Variants in NUP88 observed in about 807,000 individuals in gnomAD.
NUP88 encodes the protein nucleoporin 88.
In NUP88, 57 loss-of-function variants were observed where a neutral mutation model predicts 93.9. The ratio of observed to expected loss-of-function variants is 0.61; its 90% CI spans 0.49 to 0.76. The LOEUF is 0.76. NUP88 is among the 30% of genes least tolerant of loss of function. The probability of loss-of-function intolerance (pLI) is 0.00; values close to 1 mark genes in which losing one functional copy is unlikely to be tolerated. For synonymous variants in NUP88, 346 were observed against 336.8 expected (o/e 1.03, Z -0.30); for missense variants, 911 against 901.0 (o/e 1.01, Z -0.14).
rs1264543329 is a variant in NUP88, at chr17:5,405,182, AG to A, written c.918del (p.Tyr307MetfsTer18). ...PLPMHPAAEDNYGYDACAVLC... is the reference protein window; with the variant it reads ...PLPMHPAAEDXYGYDACAVLC... ...AGTACAGCACACGCATCATAACCAT[AG>A]TTATCTTCAGCCGCAGGATGCATGG... On this transcript the variant is annotated frameshift_variant, in exon 6 of 17. Transcript: ENST00000573584. LOFTEE classifies it high-confidence loss of function. 5 of 1,614,064 alleles carry A rather than the reference AG, an allele frequency of 3.1e-6. No homozygotes were observed. The African/African-American group carries it at 4.0e-5, about 13-fold the overall frequency.
intron 9 of NUP88, 61 bp downstream of exon 9, chr17:5,394,830 G>GT (rs1302683716): frequency 8.0e-6 from 9 of 1,128,928 alleles, no homozygotes; most frequent in African/African-American, 1.5e-5. Context: ...GGATACAAAC[G>GT]TATCTGAACT....
At chr17:5,417,202 G>T (rs1277010980) in intron 1 of NUP88, among the ~76,000 whole-genome samples, 1 of 152,134 alleles carries the variant, frequency 6.6e-6, no homozygotes, top group Non-Finnish European at 1.5e-5. Flanking sequence ...CCATCTCTAA[G>T]GTTTTGAGAT....
intron 8 of NUP88, among the ~76,000 whole-genome samples, chr17:5,397,158 G>A (rs1286689768): frequency 3.3e-5 from 5 of 152,048 alleles, no homozygotes; most frequent in African/African-American, 7.2e-5. Context: ...TGGGCAACAC[G>A]GTAAAACCCC....
chr17:5,398,948 G>C (rs1183805791), intron 8 of NUP88, among the ~76,000 whole-genome samples: 6 of 149,824 alleles, frequency 4.0e-5, no homozygotes, highest in South Asian at 2.1e-4. Context: ...GAGTGCAGTG[G>C]CGTGATCTTG....
intron 1 of NUP88, 33 bp from the exon 2 acceptor site, chr17:5,416,715 AAT>A (rs1567579151): frequency 2.6e-6 from 4 of 1,556,764 alleles, no homozygotes; most frequent in Non-Finnish European, 3.5e-6. Context: ...CAACATAGTT[AAT>A]TTTAATTTAA....
rs769164780 is a variant in NUP88, at chr17:5,387,878, G to A, written c.1670C>T (p.Pro557Leu). ...GAGGAGCTGAAGGCATTCTTCAGGA[G>A]GAGGGGCTATGTCCTTTTCAGAAGC... ...LKASEKDIAP[P>L]PEECLQLLSR... Residue 557 changes from proline (P) to leucine (L), a missense_variant, in exon 12 of 17, where the codon CCT (proline) becomes CTT (leucine). Transcript: ENST00000573584. 3 of 1,613,896 alleles carry A rather than the reference G, an allele frequency of 1.9e-6. No individual in the cohort carries two copies. Among genetic ancestry groups the A allele is most frequent in the Non-Finnish European group, 2.5e-6 (3 of 1,179,800 alleles).
At chr17:5,392,940 C>G (rs943643238) in intron 9 of NUP88, among the ~76,000 whole-genome samples, 33 of 151,836 alleles carry the variant, frequency 2.2e-4, no homozygotes, top group Non-Finnish European at 4.0e-4. Flanking sequence ...CAGGTACATG[C>G]TACCACAGTG....
chr17:5,416,382 G>A (rs1385561123), intron 2 of NUP88, 131 bp downstream of exon 2: 1 of 575,890 alleles, frequency 1.7e-6, no homozygotes, highest in Non-Finnish European at 2.9e-6. Flanking sequence ...TAACACAGAA[G>A]CCAGTCTGCA....
intron 8 of NUP88, among the ~76,000 whole-genome samples, chr17:5,395,695 TTAG>T (rs1383639237): frequency 6.6e-6 from 1 of 151,796 alleles, no homozygotes; most frequent in Non-Finnish European, 1.5e-5. Context: ...CGCCCAGGTT[TTAG>T]TAGTAGACAG....
Position 5,409,369 on chromosome 17 carries a change from C to T in NUP88, c.681-460G>A, listed in dbSNP as rs1302687207. 7.9e-4 allele frequency among the ~76,000 whole-genome samples: 85 copies of T among 107,188 alleles called. 1 individual carries two copies. In the East Asian group the frequency reaches 9.1e-3, roughly 11 times the overall value. 70.3% of individuals were successfully genotyped at this position (107,188 alleles called of 152,430 possible). On this transcript the variant is annotated intron_variant, in intron 4 of 16. Transcript: ENST00000573584. ...AGCCTGGGCGACAAGAGCGAAACTC[C>T]GTCTCAAAAAAAAAAAAAAAAAAAA...
At chr17:5,391,917 C>T (rs933325946) in intron 9 of NUP88, among the ~76,000 whole-genome samples, 1 of 129,980 alleles carries the variant, frequency 7.7e-6, no homozygotes, top group African/African-American at 2.8e-5. Flanking sequence ...AAAAGTTACA[C>T]GTTACACTGA....
In NUP88 at chr17:5,416,636, AAG is replaced by A; in HGVS notation, c.342_343del (p.Leu115ValfsTer23). ...TACATGATGTTGTGTTGGGCTTAAC[AAG>A]ACTTGATAGATTTCAAACAGGGGTG... On this transcript the variant is annotated frameshift_variant, in exon 2 of 17. Coordinates refer to ENST00000573584, the MANE Select transcript of NUP88 (RefSeq NM_002532.6). LOFTEE classifies it high-confidence loss of function. 1 of 1,611,788 alleles carries A rather than the reference AAG, an allele frequency of 6.2e-7. No homozygotes were observed. Among genetic ancestry groups the A allele is most frequent in the Non-Finnish European group, 8.5e-7 (1 of 1,179,374 alleles).
chr17:5,416,588 A>T lies in NUP88; in HGVS notation c.392T>A (p.Leu131His). The change falls in exon 2 of 17, where the codon CTT becomes CAT. Residue 131 changes from leucine to histidine, a missense_variant. Leu to His is a moderately conservative substitution (Grantham distance 99, BLOSUM62 -3). Coordinates refer to ENST00000573584, the MANE Select transcript of NUP88 (RefSeq NM_002532.6). The stretch of plus-strand genomic sequence containing the variant: ...TCTTTTAGGTAATTCTAATACCATA[A>T]GTCCTTTTATTCCTATAAGTGCTAC... Reference protein sequence around the residue: ...HHVALIGIKGLMVLELPKRWG... With the variant: ...HHVALIGIKGHMVLELPKRWG... 1 of 1,612,232 alleles carries T rather than the reference A, an allele frequency of 6.2e-7. No homozygotes were observed. The highest frequency in any genetic ancestry group is 2.2e-5 in the East Asian group (1 of 44,770).
intron 2 of NUP88, 112 bp downstream of exon 2, chr17:5,416,401 G>T: frequency 1.5e-6 from 1 of 665,632 alleles, no homozygotes. Flanking sequence ...CAGACCACGA[G>T]GAGTGTTTTA....
At chr17:5,407,872 A>C (rs779788646) in intron 5 of NUP88, among the ~76,000 whole-genome samples, 1 of 152,118 alleles carries the variant, frequency 6.6e-6, no homozygotes, top group Non-Finnish European at 1.5e-5. Flanking sequence ...TCAAACTCTC[A>C]TAAATGACAA....
intron 2 of NUP88, among the ~76,000 whole-genome samples, chr17:5,415,474 A>T (rs1914082233): frequency 6.6e-6 from 1 of 152,234 alleles, no homozygotes. Context: ...AGATATTATC[A>T]ATCCTATTTT....
intron 10 of NUP88, among the ~76,000 whole-genome samples, chr17:5,391,207 G>A (rs1295075291): frequency 6.6e-6 from 1 of 152,136 alleles, no homozygotes; most frequent in Non-Finnish European, 1.5e-5. Context: ...ATGATTCCAG[G>A]AGGCAGTGCG....
chr17:5,418,822 A>G (rs1469042192), intron 1 of NUP88, among the ~76,000 whole-genome samples: 2 of 152,160 alleles, frequency 1.3e-5, no homozygotes, highest in African/African-American at 2.4e-5. Context: ...GATCACACCC[A>G]TTTTCACATG....
Position 5,419,377 on chromosome 17 carries a change from C to T in NUP88, c.274G>A (p.Glu92Lys). The change falls in exon 1 of 17, where the codon GAG becomes AAG. Residue 92 changes from glutamate (E) to lysine (K), a missense_variant. Physicochemically the swap from Glu to Lys is moderately conservative, Grantham distance 56. Transcript: ENST00000573584. ...ACCTGGTACTGGGACAGGGCGGGCT[C>T]TTCGCCGCCGCCGCTGGGGCCCCGA... is the stretch of plus-strand genomic sequence containing the variant. ...RLRGPSGGGE[E>K]PALSQYQRLL... 1.9e-6 allele frequency: 3 copies of T among 1,601,868 alleles called. No individual in the cohort carries two copies. The highest frequency in any genetic ancestry group is 2.6e-6 in the Non-Finnish European group (3 of 1,174,806).
Sources: allele counts gnomAD v4.1 joint callset (sites outside exome capture counted in the v4.1 genomes callset), GRCh38; gene constraint gnomAD v4.1.1; transcripts MANE v1.5; gene names NCBI Gene and HGNC (gene_info 2026-07-23, HGNC 2026-07-21).